The following KIT variants were observed in gnomAD, a reference collection of about 807,000 sequenced individuals.
KIT encodes mast/stem cell growth factor receptor Kit.
KIT carries 16 observed loss-of-function variants against 105.7 expected under a neutral mutation model. The ratio of observed to expected loss-of-function variants is 0.15; its 90% CI spans 0.10 to 0.23. KIT has a LOEUF of 0.23. Ranked by LOEUF, KIT falls within the 10% of genes least tolerant of loss-of-function variation. The pLI is 1.00. For synonymous variants in KIT, 438 were observed against 441.1 expected, an observed-to-expected ratio of 0.99 and a Z score of 0.09; for missense variants, 858 against 1,213.8, an observed-to-expected ratio of 0.71 and a Z score of 4.36.
intron 7 of KIT, among the ~76,000 whole-genome samples, chr4:54,717,132 T>A (rs1721553468): frequency 6.6e-6 from 1 of 152,200 alleles, no homozygotes. Flanking sequence ...AATATCTCTT[T>A]CTCCTTATAA....
chr4:54,731,457 A>G, intron 15 of KIT, 38 bp downstream of exon 15: 1 of 1,309,588 alleles, frequency 7.6e-7, no homozygotes, highest in Non-Finnish European at 1.1e-6. Flanking sequence ...GAGTAACTTT[A>G]CAGAGAGTAT....
intron 8 of KIT, 132 bp from the exon 9 acceptor site, chr4:54,725,725 C>T: frequency 1.1e-6 from 1 of 882,198 alleles, no homozygotes; most frequent in South Asian, 1.5e-5. Flanking sequence ...TATTCTTAGA[C>T]ACTTGTAAAA....
At chr4:54,664,277 A>G (rs1434651683) in intron 1 of KIT, among the ~76,000 whole-genome samples, 1 of 152,180 alleles carries the variant, frequency 6.6e-6, no homozygotes, top group East Asian at 1.9e-4. Context: ...GGGGTAGGGA[A>G]TTGGCTGGGA....
intron 2 of KIT, 146 bp downstream of exon 2, chr4:54,695,927 C>A: frequency 1.1e-6 from 1 of 888,444 alleles, no homozygotes; most frequent in Non-Finnish European, 1.7e-6. Flanking sequence ...CTTCACTGTT[C>A]TCTCCCATCT....
Position 54,695,966 on chromosome 4 carries a change from A to G in KIT, c.337+185A>G, listed in dbSNP as rs3020819. ...GATATGATACATAGTGGCTTTGGGT[A>G]TGGCCCCAGCTGGAGGACTGCAGGA... On this transcript the variant is annotated intron_variant, in intron 2 of 20. Transcript: ENST00000288135. 0.012 allele frequency: 8,258 copies of G among 680,452 alleles called. 524 individuals carry two copies. The African/African-American group carries it at 0.13, about 11-fold the overall frequency. 42.2% of individuals were successfully genotyped at this position (680,452 alleles called of 1,614,324 possible).
chr4:54,727,161 G>A (rs2109773156), intron 9 of KIT, 57 bp from the exon 10 acceptor site: 2 of 1,450,216 alleles, frequency 1.4e-6, no homozygotes, highest in Non-Finnish European at 1.9e-6. Flanking sequence ...CTGAGTGGCT[G>A]TGGTAGAGAT....
At chr4:54,676,031 A>T (rs1467853685) in intron 1 of KIT, among the ~76,000 whole-genome samples, 1 of 152,134 alleles carries the variant, frequency 6.6e-6, no homozygotes. Context: ...TGCTAGGCCG[A>T]TTTCTAGGTG....
rs1473835741 is a variant in KIT at position 54,729,435 on chromosome 4, T to C, written c.2091T>C (p.His697=). 6.2e-7 allele frequency: 1 copy of C among 1,613,650 alleles called. No individual in the cohort carries two copies. Among genetic ancestry groups the C allele is most frequent in the Non-Finnish European group, 8.5e-7 (1 of 1,179,802 alleles). The change falls in exon 14 of 21, where the codon CAT becomes CAC. Residue 697 remains histidine (H), a synonymous_variant. Transcript: ENST00000288135. ...TTATTTGTTCAAAGCAGGAAGATCATGCAGAAGCTGCACTTTATAAGAATC... is the reference window on the plus strand; with the variant it reads ...TTATTTGTTCAAAGCAGGAAGATCACGCAGAAGCTGCACTTTATAAGAATC... ...DSFICSKQED[H]AEAALYKNLL... is the part of the protein sequence containing the mutation.
intron 1 of KIT, among the ~76,000 whole-genome samples, chr4:54,686,450 T>G (rs1026888272): frequency 6.6e-6 from 1 of 152,234 alleles, no homozygotes; most frequent in Admixed American, 6.5e-5. Context: ...AGGAACTGGT[T>G]TCTCAGGCCT....
intron 16 of KIT, among the ~76,000 whole-genome samples, chr4:54,732,644 A>G (rs1196635690): frequency 6.6e-6 from 1 of 152,186 alleles, no homozygotes; most frequent in Admixed American, 6.6e-5. Flanking sequence ...AAGAAAGGAT[A>G]TAAGATGGCT....
At chr4:54,680,951 T>C (rs1221202306) in intron 1 of KIT, among the ~76,000 whole-genome samples, 1 of 152,092 alleles carries the variant, frequency 6.6e-6, no homozygotes, top group Non-Finnish European at 1.5e-5. Flanking sequence ...GCCAGGAGGA[T>C]CTGCTCGGAG....
intron 5 of KIT, among the ~76,000 whole-genome samples, chr4:54,705,098 A>G (rs146468743): frequency 6.6e-6 from 1 of 152,366 alleles, no homozygotes; most frequent in Admixed American, 6.5e-5. Flanking sequence ...ATTAAACTCC[A>G]TAAGCACTAA....
chr4:54,724,191 A>G (rs1042092245), intron 8 of KIT, among the ~76,000 whole-genome samples: 5 of 152,202 alleles, frequency 3.3e-5, no homozygotes, highest in African/African-American at 1.2e-4. Context: ...CCCTGAACAG[A>G]GAACATCTGG....
At chr4:54,658,806 C>CGTGT (rs756924455) in intron 1 of KIT, among the ~76,000 whole-genome samples, 7 of 152,152 alleles carry the variant, frequency 4.6e-5, no homozygotes, top group Non-Finnish European at 1.0e-4. Flanking sequence ...TTGGGCAGGG[C>CGTGT]GTGTGGAAAG....
Position 54,731,885 on chromosome 4 carries a change from A to G in KIT, c.2248A>G (p.Arg750Gly), listed in dbSNP as rs541362004. ...RSVRIGSYIE[R>G]DVTPAIMEDD... The stretch of plus-strand genomic sequence containing the variant: ...CTTCCTCACAGGCTCATACATAGAA[A>G]GAGATGTGACTCCCGCCATCATGGA... Residue 750 changes from arginine (R) to glycine (G), a missense_variant, in exon 16 of 21, where the codon AGA becomes GGA. Physicochemically the swap from Arg to Gly is moderately radical, Grantham distance 125. Coordinates refer to ENST00000288135, the MANE Select transcript of KIT (RefSeq NM_000222.3). 4.3e-6 allele frequency: 7 copies of G among 1,613,554 alleles called. No individual in the cohort carries two copies. The African/African-American group carries it at 5.3e-5, about 12-fold the overall frequency.
intron 1 of KIT, among the ~76,000 whole-genome samples, chr4:54,672,690 A>G (rs1718198379): frequency 6.6e-6 from 1 of 152,192 alleles, no homozygotes; most frequent in African/African-American, 2.4e-5. Flanking sequence ...TTTTCAGAGC[A>G]TACAGCAATT....
intron 1 of KIT, among the ~76,000 whole-genome samples, chr4:54,671,765 A>T (rs909853038): frequency 2.6e-5 from 4 of 151,944 alleles, no homozygotes; most frequent in Admixed American, 6.6e-5. Context: ...ACTGAACTTT[A>T]AAAAAAAGTA....
At chr4:54,720,885 T>A (rs1329655981) in intron 7 of KIT, among the ~76,000 whole-genome samples, 1 of 152,230 alleles carries the variant, frequency 6.6e-6, no homozygotes, top group Non-Finnish European at 1.5e-5. Flanking sequence ...AAATTCATGT[T>A]GTCAGGCGCT....
At chr4:54,721,516 T>C (rs915807397) in intron 7 of KIT, among the ~76,000 whole-genome samples, 21 of 152,230 alleles carry the variant, frequency 1.4e-4, no homozygotes, top group African/African-American at 5.1e-4. Flanking sequence ...CTCTCAAGGA[T>C]GCCCCTACCT....
Sources: allele counts gnomAD v4.1 joint callset (sites outside exome capture counted in the v4.1 genomes callset), GRCh38; gene constraint gnomAD v4.1.1; transcripts MANE v1.5; gene names NCBI Gene and HGNC (gene_info 2026-07-23, HGNC 2026-07-21).